TEX15: variants seen among roughly 807,000 people sequenced by gnomAD.
TEX15 encodes testis expressed 15, meiosis and synapsis associated.
In TEX15, 171 loss-of-function variants were observed where a neutral mutation model predicts 237.3. The observed-to-expected ratio is 0.72, with a 90% CI of 0.64 to 0.82. The LOEUF (loss-of-function observed/expected upper bound fraction) is 0.82, where lower values mean the gene tolerates loss of function less well. Ranked by LOEUF, TEX15 falls within the 40% of genes least tolerant of loss-of-function variation. TEX15 has a pLI of 0.00. For synonymous variants in TEX15, 1,338 were observed against 1,269.8 expected, an observed-to-expected ratio of 1.05 and a Z score of -1.14; for missense variants, 3,750 against 3,646.5, an observed-to-expected ratio of 1.03 and a Z score of -0.73.
rs777714125 is a variant in TEX15, at chr8:30,842,374, A to C, written c.7793T>G (p.Val2598Gly). Residue 2598 changes from valine (V) to glycine (G), a missense_variant, in exon 8 of 11, where the codon GTA (valine) becomes GGA (glycine). Coordinates refer to ENST00000643185, the MANE Select transcript of TEX15 (RefSeq NM_001350162.2). ...TAAATCTTTCCTAGGGGCAGACATTACATTCTTCAGCAGTGTAGAAAATTG... is the reference window on the plus strand; with the variant it reads ...TAAATCTTTCCTAGGGGCAGACATTCCATTCTTCAGCAGTGTAGAAAATTG... Reference protein sequence around the residue: ...YNQFSTLLKNVMSAPRKDLGK... With the variant: ...YNQFSTLLKNGMSAPRKDLGK... 1 of 1,613,836 alleles carries C rather than the reference A, an allele frequency of 6.2e-7. No individual in the cohort carries two copies. Among genetic ancestry groups the C allele is most frequent in the African/African-American group, 1.3e-5 (1 of 75,028 alleles).
intron 10 of TEX15, among the ~76,000 whole-genome samples, chr8:30,836,363 G>A (rs1322772230): frequency 5.3e-5 from 8 of 151,786 alleles, no homozygotes; most frequent in Admixed American, 2.0e-4. Context: ...ACAGGTGTGC[G>A]CCACCATGCC....
intron 7 of TEX15, among the ~76,000 whole-genome samples, chr8:30,855,113 G>T (rs914628768): frequency 1.3e-5 from 2 of 151,768 alleles, no homozygotes; most frequent in Admixed American, 1.3e-4. Flanking sequence ...GCTTAGCCAG[G>T]GCAATTATGC....
At chr8:30,908,107 A>G (rs1585319922) in intron 1 of TEX15, among the ~76,000 whole-genome samples, 2 of 152,088 alleles carry the variant, frequency 1.3e-5, no homozygotes, top group Admixed American at 1.3e-4. Context: ...AATTTTTTGT[A>G]GAGATGGGGT....
intron 7 of TEX15, 48 bp from the exon 8 acceptor site, chr8:30,849,364 G>C (rs1323063812): frequency 1.8e-6 from 2 of 1,135,110 alleles, no homozygotes; most frequent in South Asian, 1.6e-5. Context: ...TGTTTCTATA[G>C]ACAACTATTA....
intron 1 of TEX15, among the ~76,000 whole-genome samples, chr8:30,899,367 C>T (rs1447027587): frequency 6.6e-6 from 1 of 152,098 alleles, no homozygotes; most frequent in Non-Finnish European, 1.5e-5. Flanking sequence ...GGTAACCAAA[C>T]TGGTAAGTTG....
intron 5 of TEX15, among the ~76,000 whole-genome samples, chr8:30,864,621 A>G (rs1341033216): frequency 7.7e-6 from 1 of 130,334 alleles, no homozygotes; most frequent in African/African-American, 3.0e-5. Flanking sequence ...CAGACCAGAA[A>G]AAAAAAAAAA....
At chr8:30,891,753 G>A (rs987353957) in intron 2 of TEX15, among the ~76,000 whole-genome samples, 3 of 152,120 alleles carry the variant, frequency 2.0e-5, no homozygotes, top group Non-Finnish European at 2.9e-5. Context: ...GTAGGCATAA[G>A]CCACTGAATC....
rs190651992 is a variant in TEX15, at chr8:30,859,537, C to T, written c.687+374G>A. Among the ~76,000 whole-genome samples, 684 of 152,024 alleles carry T rather than the reference C, an allele frequency of 4.5e-3. 4 individuals carry two copies. Among genetic ancestry groups the T allele is most frequent in the African/African-American group, 0.015 (631 of 41,450 alleles). ...GTAATTAACATGTCCATCACCTCAC[C>T]CATCACTTTTTATGGTGAGACATTG... On this transcript the variant is annotated intron_variant, in intron 6 of 10. Coordinates refer to ENST00000643185, the MANE Select transcript of TEX15 (RefSeq NM_001350162.2).
rs749792932 is a variant in TEX15 at position 30,845,858 on chromosome 8, G to C, written c.4309C>G (p.Gln1437Glu). Residue 1437 changes from glutamine to glutamate, a missense_variant, in exon 8 of 11, where the codon CAA (glutamine) becomes GAA (glutamate). Gln to Glu is a conservative substitution (Grantham distance 29). Transcript: ENST00000643185. Reference protein sequence around the residue: ...CDLQGYSSVSQRKYYSTKHFS... With the variant: ...CDLQGYSSVSERKYYSTKHFS... ...TGCTTAGTAGAATAATATTTTCTTT[G>C]AGACACAGAACTATAACCTTGAAGG... The C allele has an allele frequency of 5.6e-6, 9 of 1,610,798 alleles. No homozygotes were observed. In the South Asian group the frequency reaches 8.9e-5, roughly 16 times the overall value.
Position 30,848,289 on chromosome 8 carries a change from G to C in TEX15, c.1878C>G (p.Asp626Glu). ...CTTCATGTTTGGAACTGTCTTCCAG[G>C]TCAGCGAAGTTTTTCATCTTTCCAG... is the stretch of plus-strand genomic sequence containing the variant. ...QNTGKMKNFADLEDSSKHEEK... is the reference protein window; with the variant it reads ...QNTGKMKNFAELEDSSKHEEK... The change falls in exon 8 of 11, where the codon GAC becomes GAG. Residue 626 changes from aspartate to glutamate, a missense_variant. By Grantham distance (45) the Asp-to-Glu change is conservative. Coordinates refer to ENST00000643185, the MANE Select transcript of TEX15 (RefSeq NM_001350162.2). The C allele has an allele frequency of 6.2e-7, 1 of 1,612,918 alleles. No homozygotes were observed.
At chr8:30,899,136 C>T (rs1291547969) in intron 1 of TEX15, among the ~76,000 whole-genome samples, 6 of 152,172 alleles carry the variant, frequency 3.9e-5, no homozygotes, top group African/African-American at 2.4e-5. Context: ...CGCAGCTCTA[C>T]TTGGGAAAAC....
rs1481992022 is a variant in TEX15 at position 30,844,945 on chromosome 8, C to A, written c.5222G>T (p.Arg1741Ile). The A allele has an allele frequency of 6.2e-7, 1 of 1,613,476 alleles. No individual in the cohort carries two copies. Among genetic ancestry groups the A allele is most frequent in the East Asian group, 2.2e-5 (1 of 44,870 alleles). Residue 1741 changes from arginine to isoleucine, a missense_variant, in exon 8 of 11, where the codon AGA becomes ATA. By Grantham distance (97) the Arg-to-Ile change is moderately conservative. Coordinates refer to ENST00000643185, the MANE Select transcript of TEX15 (RefSeq NM_001350162.2). ...TGCAAAAGAATCTACAGTAAGAATT[C>A]TCTGCTTATCCAAGTAAGATTTTGA... ...ESSKSYLDKQ[R>I]ILTVDSFAAS...
chr8:30,875,242 A>T (rs1782121306), intron 3 of TEX15, 140 bp from the exon 4 acceptor site: 1 of 474,566 alleles, frequency 2.1e-6, no homozygotes, highest in Admixed American at 4.4e-5. Context: ...ATTTGTATTT[A>T]AGATTCTACA....
Position 30,860,071 on chromosome 8 carries a change from AG to A in TEX15, c.541-15del. 1 of 1,433,304 alleles carries A rather than the reference AG, an allele frequency of 7.0e-7. No individual in the cohort carries two copies. 88.8% of individuals were successfully genotyped at this position (1,433,304 alleles called of 1,614,324 possible). A position where few individuals can be genotyped will look rare whatever the true frequency, so the allele number is the denominator to read the frequency against. On this transcript the variant is annotated splice_polypyrimidine_tract_variant and intron_variant, in intron 5 of 10. Coordinates refer to ENST00000643185, the MANE Select transcript of TEX15 (RefSeq NM_001350162.2). ...TCCAAAGAGAACCTAAAAAAAAAAA[AG>A]CCAAAAAAAAAGTACGTAAAAATAT...
rs199539229 is a variant in TEX15 at position 30,906,937 on chromosome 8, AT to A, written c.-86+5941del. Reference sequence around the variant, plus strand: ...AAATGGATTTGAGGAACTTAAAACAATTTTTTTTTCTTTTGCTGTTCACTTA... The same window carrying A: ...AAATGGATTTGAGGAACTTAAAACAATTTTTTTTCTTTTGCTGTTCACTTA... On this transcript the variant is annotated intron_variant, in intron 1 of 10. Transcript: ENST00000643185. 2.4e-4 allele frequency among the ~76,000 whole-genome samples: 37 copies of A among 151,744 alleles called. No homozygotes were observed. The East Asian group carries it at 6.6e-3, about 27-fold the overall frequency.
intron 3 of TEX15, among the ~76,000 whole-genome samples, chr8:30,875,732 C>T (rs1563263310): frequency 6.6e-6 from 1 of 151,636 alleles, no homozygotes; most frequent in African/African-American, 2.4e-5. Flanking sequence ...CCACCAACAT[C>T]GAGTCACAAA....
intron 1 of TEX15, among the ~76,000 whole-genome samples, chr8:30,910,165 C>T (rs1335960307): frequency 6.6e-6 from 1 of 150,896 alleles, no homozygotes; most frequent in Admixed American, 6.6e-5. Flanking sequence ...TATCATCCTT[C>T]GGTACAATAA....
intron 2 of TEX15, among the ~76,000 whole-genome samples, chr8:30,892,357 T>C (rs1406220566): frequency 3.9e-5 from 6 of 152,172 alleles, no homozygotes; most frequent in African/African-American, 9.7e-5. Flanking sequence ...TCTGTATTCA[T>C]GCATCAACAC....
At chr8:30,867,018 T>C (rs1052302283) in intron 5 of TEX15, among the ~76,000 whole-genome samples, 1 of 148,638 alleles carries the variant, frequency 6.7e-6, no homozygotes, top group African/African-American at 2.5e-5. Flanking sequence ...CAAAAAAATA[T>C]ACATATTGGG....
Sources: gnomAD v4.1 joint callset for allele counts (sites outside exome capture counted in the v4.1 genomes callset) on GRCh38, gnomAD v4.1.1 for gene constraint, MANE v1.5 for transcripts, NCBI Gene and HGNC (gene_info 2026-07-23, HGNC 2026-07-21) for gene names.